The following GALNTL6 variants were observed in gnomAD, a reference collection of about 807,000 sequenced individuals.
GALNTL6 encodes the protein polypeptide N-acetylgalactosaminyltransferase-like 6.
GALNTL6 carries 46 observed loss-of-function variants against 73.7 expected under a neutral mutation model. The ratio of observed to expected loss-of-function variants is 0.62; its 90% CI spans 0.49 to 0.80. GALNTL6 has a LOEUF of 0.80. Ranked by LOEUF, GALNTL6 falls within the 30% of genes least tolerant of loss-of-function variation. The probability of loss-of-function intolerance (pLI) is 0.00; values close to 1 mark genes in which losing one functional copy is unlikely to be tolerated. For missense variants in GALNTL6, 604 were observed against 755.0 expected, an observed-to-expected ratio of 0.80 and a Z score of 2.34; for synonymous variants, 259 against 263.7, an observed-to-expected ratio of 0.98 and a Z score of 0.17.
chr4:172,047,980 C>T lies in GALNTL6; in HGVS notation c.139-181676C>T, dbSNP rs534010387. ...AGTATTGCTCTTCAGTTTCCTGAAG[C>T]CCTCTGACAACCTAATAGCAGTGTT... On this transcript the variant is annotated intron_variant, in intron 2 of 12. Coordinates refer to ENST00000506823, the MANE Select transcript of GALNTL6 (RefSeq NM_001034845.3). Among the ~76,000 whole-genome samples, 11 of 152,148 alleles carry T rather than the reference C, an allele frequency of 7.2e-5. No homozygotes were observed. In the South Asian group the frequency reaches 1.2e-3, roughly 17 times the overall value.
intron 2 of GALNTL6, among the ~76,000 whole-genome samples, chr4:172,201,634 A>C (rs773666428): frequency 2.6e-5 from 4 of 152,114 alleles, no homozygotes. Context: ...AGATTTGTTA[A>C]AATATTTTTG....
At chr4:172,991,671 G>A (rs1751553445) in intron 10 of GALNTL6, among the ~76,000 whole-genome samples, 1 of 152,176 alleles carries the variant, frequency 6.6e-6, no homozygotes, top group South Asian at 2.1e-4. Flanking sequence ...GCCTCCCAAA[G>A]TGCTAGGATT....
At chr4:172,676,644 C>G (rs552298848) in intron 5 of GALNTL6, among the ~76,000 whole-genome samples, 1 of 152,312 alleles carries the variant, frequency 6.6e-6, no homozygotes, top group Non-Finnish European at 1.5e-5. Flanking sequence ...CCAACAGGCA[C>G]TATTCTCCAC....
intron 2 of GALNTL6, among the ~76,000 whole-genome samples, chr4:171,943,746 G>C (rs1003105174): frequency 1.3e-5 from 2 of 152,178 alleles, no homozygotes; most frequent in Non-Finnish European, 2.9e-5. Context: ...AGAAACAGAA[G>C]ATAATCACTT....
chr4:172,518,469 A>T (rs1325238527), intron 5 of GALNTL6, among the ~76,000 whole-genome samples: 1 of 151,896 alleles, frequency 6.6e-6, no homozygotes, highest in Non-Finnish European at 1.5e-5. Context: ...ACTCTTCCTC[A>T]TTTTTTTAGA....
intron 5 of GALNTL6, among the ~76,000 whole-genome samples, chr4:172,482,664 T>G (rs1431088606): frequency 6.6e-6 from 1 of 152,242 alleles, no homozygotes; most frequent in African/African-American, 2.4e-5. Context: ...TTAACTTTTC[T>G]TTTCAGTTTT....
chr4:172,085,482 G>A (rs1184548311), intron 2 of GALNTL6, among the ~76,000 whole-genome samples: 2 of 152,034 alleles, frequency 1.3e-5, no homozygotes, highest in Non-Finnish European at 2.9e-5. Flanking sequence ...GAGCCCAGGA[G>A]TTTGAGACCA....
chr4:172,063,094 A>C (rs68068922), intron 2 of GALNTL6, among the ~76,000 whole-genome samples: 1 of 151,992 alleles, frequency 6.6e-6, no homozygotes, highest in Admixed American at 6.6e-5. Context: ...ATTTCATCTC[A>C]TTTCCCTCTG....
At chr4:172,743,408 C>G (rs1736910845) in intron 5 of GALNTL6, among the ~76,000 whole-genome samples, 1 of 151,972 alleles carries the variant, frequency 6.6e-6, no homozygotes, top group Non-Finnish European at 1.5e-5. Context: ...GTTCACCAAG[C>G]ATTATGCCTT....
At chr4:172,379,302 G>A (rs1173612159) in intron 5 of GALNTL6, among the ~76,000 whole-genome samples, 4 of 151,872 alleles carry the variant, frequency 2.6e-5, no homozygotes, top group South Asian at 2.1e-4. Flanking sequence ...AGGCCGAGGC[G>A]GGTGGATCAT....
chr4:171,941,045 T>C (rs1254212104), intron 2 of GALNTL6, among the ~76,000 whole-genome samples: 1 of 152,060 alleles, frequency 6.6e-6, no homozygotes, highest in Non-Finnish European at 1.5e-5. Context: ...GAATTAATAA[T>C]CTACAGTCAC....
At chr4:173,020,871 G>A (rs1344605479) in intron 11 of GALNTL6, among the ~76,000 whole-genome samples, 1 of 152,180 alleles carries the variant, frequency 6.6e-6, no homozygotes, top group Non-Finnish European at 1.5e-5. Context: ...TCAGGAGTTT[G>A]AGACTAGCCT....
At chr4:172,218,565 C>A (rs980076846) in intron 2 of GALNTL6, among the ~76,000 whole-genome samples, 9 of 151,974 alleles carry the variant, frequency 5.9e-5, no homozygotes, top group Middle Eastern at 3.2e-3. Flanking sequence ...TTGGGACTCT[C>A]TAGATTTTCA....
intron 5 of GALNTL6, among the ~76,000 whole-genome samples, chr4:172,546,806 A>AGACGTATATATATG (rs1554034205): frequency 1.0e-5 from 1 of 99,092 alleles, no homozygotes; most frequent in Non-Finnish European, 2.0e-5. Context: ...ACGTATATAT[A>AGACGTATATATATG]CGTATATATA....
chr4:172,004,193 A>T (rs531249447), intron 2 of GALNTL6, among the ~76,000 whole-genome samples: 2 of 152,164 alleles, frequency 1.3e-5, no homozygotes, highest in Non-Finnish European at 2.9e-5. Flanking sequence ...CTAACTGCAA[A>T]GAGTTATTAA....
chr4:172,085,980 T>C (rs539543862), intron 2 of GALNTL6, among the ~76,000 whole-genome samples: 3 of 152,266 alleles, frequency 2.0e-5, no homozygotes, highest in African/African-American at 7.2e-5. Flanking sequence ...ATGGGTACTT[T>C]GCAAACACTG....
intron 2 of GALNTL6, among the ~76,000 whole-genome samples, chr4:172,108,582 G>T (rs956816365): frequency 2.6e-4 from 40 of 152,244 alleles, no homozygotes; most frequent in African/African-American, 9.6e-4. Flanking sequence ...ATATTAAAAT[G>T]CCAGTCTCAT....
At chr4:172,348,791 T>A in intron 5 of GALNTL6, 102 bp downstream of exon 5, 10 of 682,524 alleles carry the variant, frequency 1.5e-5, no homozygotes, top group Non-Finnish European at 2.3e-5. Flanking sequence ...TGATTCCATC[T>A]GAAAGGTGAT....
intron 5 of GALNTL6, among the ~76,000 whole-genome samples, chr4:172,459,906 A>C (rs185410475): frequency 1.7e-3 from 255 of 152,304 alleles, no homozygotes; most frequent in Admixed American, 3.3e-3. Context: ...CATGTAGCCA[A>C]GACAATCTTA....
Sources: allele counts gnomAD v4.1 joint callset (sites outside exome capture counted in the v4.1 genomes callset), GRCh38; gene constraint gnomAD v4.1.1; transcripts MANE v1.5; gene names NCBI Gene and HGNC (gene_info 2026-07-23, HGNC 2026-07-21).